Variants in MYO16 observed in about 807,000 individuals in gnomAD.
MYO16 encodes the protein unconventional myosin-XVI.
MYO16 carries 94 observed loss-of-function variants against 205.3 expected under a neutral mutation model. The ratio of observed to expected loss-of-function variants is 0.46; its 90% CI spans 0.39 to 0.54. The LOEUF (loss-of-function observed/expected upper bound fraction) is 0.54, where lower values mean the gene tolerates loss of function less well. Among genes scored for constraint, MYO16 ranks in the 20% least tolerant of loss-of-function variants. The pLI is 0.00. For missense variants in MYO16, 2,315 were observed against 2,387.5 expected (o/e 0.97, Z 0.63); for synonymous variants, 988 against 954.0 (o/e 1.04, Z -0.66).
At chr13:108,926,255 G>T (rs1421744625) in intron 16 of MYO16, among the ~76,000 whole-genome samples, 4 of 152,220 alleles carry the variant, frequency 2.6e-5, no homozygotes, top group Non-Finnish European at 5.9e-5. Flanking sequence ...ATACCAAGGA[G>T]TCTGTTGCAC....
chr13:108,672,073 C>G (rs997491140), intron 2 of MYO16, among the ~76,000 whole-genome samples: 1 of 152,040 alleles, frequency 6.6e-6, no homozygotes, highest in East Asian at 1.9e-4. Context: ...CTTGGAAATA[C>G]CCTCGTGAGT....
chr13:108,611,972 CTTTTTTTTTTT>C (rs201871787), intron 1 of MYO16, among the ~76,000 whole-genome samples: 2 of 89,758 alleles, frequency 2.2e-5, no homozygotes, highest in African/African-American at 4.4e-5. Context: ...TTTTTTTTTT[CTTTTTTTTTTT>C]TTTTTTTTTT....
upstream of MYO16, among the ~76,000 whole-genome samples, chr13:108,629,032 A>G (rs981964680): frequency 1.7e-4 from 26 of 152,200 alleles, no homozygotes; most frequent in African/African-American, 6.3e-4. Context: ...TCTGATTCCA[A>G]TTCAGTCAGA....
chr13:108,982,563 A>G (rs1244396846), intron 20 of MYO16, among the ~76,000 whole-genome samples: 1 of 152,200 alleles, frequency 6.6e-6, no homozygotes, highest in Non-Finnish European at 1.5e-5. Context: ...AATTTTGTCT[A>G]CATGCATATA....
intron 16 of MYO16, among the ~76,000 whole-genome samples, chr13:108,923,611 T>C (rs1881845791): frequency 6.6e-6 from 1 of 152,214 alleles, no homozygotes; most frequent in Non-Finnish European, 1.5e-5. Context: ...TGTGGGGCCC[T>C]CGCCTTCCTG....
At chr13:109,042,229 G>T (rs965680241) in intron 23 of MYO16, among the ~76,000 whole-genome samples, 2 of 152,184 alleles carry the variant, frequency 1.3e-5, no homozygotes, top group African/African-American at 4.8e-5. Context: ...ACGGTTAAAA[G>T]ACCTAATTTG....
chr13:108,539,902 T>C, the MYO16 span, among the ~76,000 whole-genome samples: 2 of 152,140 alleles, frequency 1.3e-5, no homozygotes, highest in African/African-American at 4.8e-5. Context: ...TCCTTGGCTC[T>C]ACACTGGCAC....
chr13:109,023,071 A>C (rs1190790235), intron 23 of MYO16, among the ~76,000 whole-genome samples: 3 of 131,632 alleles, frequency 2.3e-5, no homozygotes, highest in Non-Finnish European at 4.6e-5. Context: ...TTATATTTAT[A>C]TATTATATAT....
chr13:108,509,120 A>T, the MYO16 span, among the ~76,000 whole-genome samples: 141 of 152,312 alleles, frequency 9.3e-4, no homozygotes, highest in African/African-American at 3.1e-3. Context: ...AAATTTTAGT[A>T]AAAGATAGTT....
intron 1 of MYO16, among the ~76,000 whole-genome samples, chr13:108,649,311 C>CATTGAT (rs954269752): frequency 8.5e-5 from 13 of 152,170 alleles, no homozygotes; most frequent in African/African-American, 2.9e-4. Flanking sequence ...TGGAATCAGT[C>CATTGAT]ATTGATTGTC....
chr13:109,163,760 C>A (rs1878506619), intron 32 of MYO16: 1 of 152,254 alleles, frequency 6.6e-6, no homozygotes, highest in African/African-American at 2.4e-5. Context: ...CTCTTTCCAA[C>A]TGCATGACTC....
At chr13:108,787,001 T>C (rs1276607253) in intron 5 of MYO16, among the ~76,000 whole-genome samples, 1 of 152,210 alleles carries the variant, frequency 6.6e-6, no homozygotes, top group Non-Finnish European at 1.5e-5. Flanking sequence ...AGTTAATTAT[T>C]TGGATCCTTG....
Position 108,858,328 on chromosome 13 carries a change from A to G in MYO16, c.1359+2775A>G, listed in dbSNP as rs188327997. Among the ~76,000 whole-genome samples the G allele has an allele frequency of 7.2e-4, 110 of 152,350 alleles. No individual in the cohort carries two copies. In the Middle Eastern group the frequency reaches 0.02, roughly 28 times the overall value. On this transcript the variant is annotated intron_variant, in intron 11 of 34. Transcript: ENST00000457511. ...CCATGATTAATTGGGACTAAAAACA[A>G]GTGATCCTTCCCCACAAATAGAAAA...
the MYO16 span, among the ~76,000 whole-genome samples, chr13:108,504,335 C>T: frequency 6.6e-6 from 1 of 151,538 alleles, no homozygotes; most frequent in African/African-American, 2.4e-5. Flanking sequence ...CCAAGTTGGC[C>T]AGGCTGGTCT....
chr13:108,609,958 C>T (rs1181365929), intron 1 of MYO16, among the ~76,000 whole-genome samples: 3 of 151,798 alleles, frequency 2.0e-5, no homozygotes, highest in Non-Finnish European at 4.4e-5. Context: ...AAACACTGGG[C>T]CCAAAAGGAA....
At chr13:108,767,597 T>TCAG (rs1885824422) in intron 4 of MYO16, among the ~76,000 whole-genome samples, 13 of 152,230 alleles carry the variant, frequency 8.5e-5, no homozygotes, top group African/African-American at 2.9e-4. Flanking sequence ...CAAGCATTTC[T>TCAG]TGCCTTTAAT....
chr13:109,167,513 CAT>C (rs1297860091), intron 33 of MYO16, among the ~76,000 whole-genome samples: 1 of 152,118 alleles, frequency 6.6e-6, no homozygotes, highest in East Asian at 1.9e-4. Flanking sequence ...TTCAGAAGGA[CAT>C]GTGGTGTTAT....
At chr13:108,843,285 A>G (rs1016238626) in intron 9 of MYO16, among the ~76,000 whole-genome samples, 5 of 152,162 alleles carry the variant, frequency 3.3e-5, no homozygotes, top group Non-Finnish European at 5.9e-5. Context: ...AAATAAGAAA[A>G]TGAAATTCAA....
chr13:108,518,618 G>C, the MYO16 span, among the ~76,000 whole-genome samples: 2 of 152,112 alleles, frequency 1.3e-5, no homozygotes, highest in Non-Finnish European at 2.9e-5. Context: ...TTCACCATGC[G>C]TAATGTGACT....
Sources: allele counts gnomAD v4.1 joint callset (sites outside exome capture counted in the v4.1 genomes callset), GRCh38; gene constraint gnomAD v4.1.1; transcripts MANE v1.5; gene names NCBI Gene and HGNC (gene_info 2026-07-23, HGNC 2026-07-21).